Variants in NALF1 observed in about 807,000 individuals in gnomAD.
The protein encoded by NALF1 is family with sequence similarity 155 member A.
A neutral mutation model predicts 48.4 loss-of-function variants in NALF1; 3 were observed. The observed-to-expected ratio is 0.06, with a 90% confidence interval of 0.03 to 0.16. The LOEUF (loss-of-function observed/expected upper bound fraction) is 0.16, where lower values mean the gene tolerates loss of function less well. NALF1 is among the 10% of genes least tolerant of loss of function. The probability of loss-of-function intolerance (pLI) is 1.00; values close to 1 mark genes in which losing one functional copy is unlikely to be tolerated. For missense variants in NALF1, 526 were observed against 571.5 expected (o/e 0.92, Z 0.81); for synonymous variants, 262 against 245.7 (o/e 1.07, Z -0.62).
chr13:107,170,793 G>T lies in NALF1; in HGVS notation c.1088-7C>A. 6.2e-7 allele frequency: 1 copy of T among 1,612,974 alleles called. No homozygotes were observed. The highest frequency in any genetic ancestry group is 2.2e-5 in the East Asian group (1 of 44,868). On this transcript the variant is annotated splice_polypyrimidine_tract_variant and splice_region_variant and intron_variant, in intron 2 of 2. Transcript: ENST00000375915. Reference sequence around the variant, plus strand: ...AGAAAGGTTTCATAAAGCCCTGTAGGAAGAAGGAAGTAGAGTGTCAGCAGG... The same window carrying T: ...AGAAAGGTTTCATAAAGCCCTGTAGTAAGAAGGAAGTAGAGTGTCAGCAGG...
intron 1 of NALF1, among the ~76,000 whole-genome samples, chr13:107,744,538 G>A (rs1177404216): frequency 2.6e-5 from 4 of 152,194 alleles, no homozygotes; most frequent in Non-Finnish European, 4.4e-5. Flanking sequence ...ACAAAAGACA[G>A]ATAGGTGCAG....
intron 1 of NALF1, among the ~76,000 whole-genome samples, chr13:107,694,862 G>A (rs1881664136): frequency 6.6e-6 from 1 of 151,414 alleles, no homozygotes; most frequent in Admixed American, 6.6e-5. Context: ...GCACAATCTA[G>A]GTTCACTGTA....
intron 1 of NALF1, among the ~76,000 whole-genome samples, chr13:107,524,621 C>T (rs1300478142): frequency 6.6e-6 from 1 of 152,060 alleles, no homozygotes; most frequent in East Asian, 1.9e-4. Flanking sequence ...ATAATTAGCA[C>T]TTGAAACATT....
chr13:107,416,346 G>C (rs1270416529), intron 1 of NALF1, among the ~76,000 whole-genome samples: 4 of 151,792 alleles, frequency 2.6e-5, no homozygotes, highest in African/African-American at 9.7e-5. Flanking sequence ...GAAAGTTACA[G>C]AGAGTATGCC....
At chr13:107,210,884 C>A in intron 1 of NALF1, 129 bp from the exon 2 acceptor site, 1 of 615,968 alleles carries the variant, frequency 1.6e-6, no homozygotes, top group Non-Finnish European at 2.8e-6. Context: ...TGTGAGAAAG[C>A]GTATTTACAC....
chr13:107,553,825 G>A (rs188534756), intron 1 of NALF1, among the ~76,000 whole-genome samples: 39 of 152,272 alleles, frequency 2.6e-4, no homozygotes, highest in Admixed American at 7.8e-4. Context: ...GAGCAATTGC[G>A]CTTCCTCCAT....
intron 1 of NALF1, among the ~76,000 whole-genome samples, chr13:107,739,553 T>C (rs916543953): frequency 2.6e-5 from 4 of 151,860 alleles, no homozygotes; most frequent in South Asian, 2.1e-4. Context: ...CAGGAAAATA[T>C]AGTAACAAAT....
rs3909009 is a variant in NALF1 at position 107,664,207 on chromosome 13, G to A, written c.915+201475C>T. The stretch of plus-strand genomic sequence containing the variant: ...TTCCAGTTTGCAGGACAAACCTAAT[G>A]AATAGCCTCTACACTTCTTTCTTTC... On this transcript the variant is annotated intron_variant, in intron 1 of 2. Coordinates refer to ENST00000375915, the MANE Select transcript of NALF1 (RefSeq NM_001080396.3). Among the ~76,000 whole-genome samples, 2,687 of 152,254 alleles carry A rather than the reference G, an allele frequency of 0.018. 147 individuals carry two copies. In the East Asian group the frequency reaches 0.2, roughly 11 times the overall value.
chr13:107,544,693 T>G (rs781596706), intron 1 of NALF1, among the ~76,000 whole-genome samples: 1 of 152,180 alleles, frequency 6.6e-6, no homozygotes, highest in Non-Finnish European at 1.5e-5. Context: ...TTAAGTTTCT[T>G]TTCAGATCCA....
At chr13:107,186,003 G>C (rs1359754990) in intron 2 of NALF1, among the ~76,000 whole-genome samples, 1 of 152,164 alleles carries the variant, frequency 6.6e-6, no homozygotes, top group African/African-American at 2.4e-5. Context: ...ATTACATGCT[G>C]TTCTGAGTAG....
chr13:107,600,695 C>G (rs1409827844), intron 1 of NALF1, among the ~76,000 whole-genome samples: 1 of 151,994 alleles, frequency 6.6e-6, no homozygotes, highest in Non-Finnish European at 1.5e-5. Flanking sequence ...TTATATAGAC[C>G]CTCATTCAGA....
rs536410023 is a variant in NALF1 at position 107,764,499 on chromosome 13, ACCAATATCTGGTAAAGTATTC to A, written c.915+101162_915+101182del. Among the ~76,000 whole-genome samples, 23 of 152,254 alleles carry A rather than the reference ACCAATATCTGGTAAAGTATTC, an allele frequency of 1.5e-4. No individual in the cohort carries two copies. In the South Asian group the frequency reaches 4.8e-3, roughly 32 times the overall value. ...GAAAGGAAGACTTCGGCATGAATAC[ACCAATATCTGGTAAAGTATTC>A]TAATGAAGGGACTTTGTCTTATCCA... On this transcript the variant is annotated intron_variant, in intron 1 of 2. Coordinates refer to ENST00000375915, the MANE Select transcript of NALF1 (RefSeq NM_001080396.3).
At chr13:107,635,511 G>A (rs1879952913) in intron 1 of NALF1, among the ~76,000 whole-genome samples, 1 of 152,028 alleles carries the variant, frequency 6.6e-6, no homozygotes. Flanking sequence ...AGATTTTGGT[G>A]GGGACACAGC....
intron 1 of NALF1, among the ~76,000 whole-genome samples, chr13:107,580,203 A>G (rs952244063): frequency 6.6e-6 from 1 of 152,168 alleles, no homozygotes; most frequent in Non-Finnish European, 1.5e-5. Flanking sequence ...AAGAACAAAA[A>G]ACCAAACACC....
intron 1 of NALF1, among the ~76,000 whole-genome samples, chr13:107,723,219 T>C (rs1037881799): frequency 2.6e-5 from 4 of 152,136 alleles, no homozygotes; most frequent in African/African-American, 7.2e-5. Context: ...GCTTTTGTGG[T>C]TCCTGACTTT....
intron 1 of NALF1, among the ~76,000 whole-genome samples, chr13:107,281,711 G>A (rs1427534618): frequency 1.3e-5 from 2 of 152,172 alleles, no homozygotes; most frequent in East Asian, 3.9e-4. Flanking sequence ...ATGAAGGAAA[G>A]AGGTTTAATT....
At chr13:107,791,775 C>CCCTG (rs1878241982) in intron 1 of NALF1, among the ~76,000 whole-genome samples, 1 of 120,196 alleles carries the variant, frequency 8.3e-6, no homozygotes, top group Non-Finnish European at 1.7e-5. Flanking sequence ...ACGTGGTGAT[C>CCCTG]CCCGCCCCCC....
intron 1 of NALF1, among the ~76,000 whole-genome samples, chr13:107,309,253 C>A (rs1268467248): frequency 2.6e-5 from 4 of 152,184 alleles, no homozygotes; most frequent in African/African-American, 9.7e-5. Flanking sequence ...TTTCTCTGTA[C>A]ACAGAAGAGG....
intron 1 of NALF1, among the ~76,000 whole-genome samples, chr13:107,743,910 T>C (rs1309151692): frequency 6.6e-6 from 1 of 152,074 alleles, no homozygotes; most frequent in Non-Finnish European, 1.5e-5. Flanking sequence ...CATCAGAAAG[T>C]GCTTTAGAAA....
Sources: allele counts gnomAD v4.1 joint callset (sites outside exome capture counted in the v4.1 genomes callset), GRCh38; gene constraint gnomAD v4.1.1; transcripts MANE v1.5; gene names NCBI Gene and HGNC (gene_info 2026-07-23, HGNC 2026-07-21).